SNX14: variants seen among roughly 807,000 people sequenced by gnomAD.
The protein encoded by SNX14 is sorting nexin 14.
Under a neutral mutation model 133.8 loss-of-function variants are expected in SNX14, and 93 were observed. The ratio of observed to expected loss-of-function variants is 0.70; its 90% CI spans 0.59 to 0.83. The LOEUF (loss-of-function observed/expected upper bound fraction) is 0.83, where lower values mean the gene tolerates loss of function less well. Ranked by LOEUF, SNX14 falls within the 40% of genes least tolerant of loss-of-function variation. The pLI, the probability that SNX14 is intolerant of heterozygous loss-of-function variation, is 0.00. For missense variants in SNX14, 945 were observed against 1,094.9 expected, an observed-to-expected ratio of 0.86 and a Z score of 1.93; for synonymous variants, 368 against 365.6, an observed-to-expected ratio of 1.01 and a Z score of -0.07.
At chr6:85,561,391 G>A (rs966241270) in intron 6 of SNX14, 4 of 151,686 alleles carry the variant, frequency 2.6e-5, no homozygotes, top group Non-Finnish European at 5.9e-5. Context: ...CAGAAGAACT[G>A]TTCAATTAAC....
chr6:85,564,581 T>G (rs1016528000), intron 6 of SNX14, among the ~76,000 whole-genome samples: 3 of 152,180 alleles, frequency 2.0e-5, no homozygotes, highest in Non-Finnish European at 4.4e-5. Context: ...CCAAGATAAC[T>G]AAGCATTAAA....
chr6:85,537,171 C>T (rs1782231528), intron 16 of SNX14: 1 of 336,600 alleles, frequency 3.0e-6, no homozygotes, highest in East Asian at 4.9e-5. Context: ...TATAAACACT[C>T]AAAATTTACC....
intron 1 of SNX14, among the ~76,000 whole-genome samples, chr6:85,591,868 C>G (rs1802854294): frequency 6.6e-6 from 1 of 152,100 alleles, no homozygotes; most frequent in Admixed American, 6.5e-5. Flanking sequence ...AAAAAAGTAG[C>G]CGGGCATGGT....
intron 6 of SNX14, among the ~76,000 whole-genome samples, chr6:85,559,693 C>T (rs1017806387): frequency 3.9e-5 from 6 of 151,960 alleles, no homozygotes; most frequent in South Asian, 2.1e-4. Flanking sequence ...AGGATAGTGA[C>T]GCAGATAAGA....
At chr6:85,566,025 G>C (rs1254658151) in intron 5 of SNX14, among the ~76,000 whole-genome samples, 1 of 152,184 alleles carries the variant, frequency 6.6e-6, no homozygotes, top group Non-Finnish European at 1.5e-5. Context: ...CTCAAAGACG[G>C]TGTTGTTAAC....
At chr6:85,535,027 AC>A (rs1363220475) in intron 17 of SNX14, among the ~76,000 whole-genome samples, 7 of 109,174 alleles carry the variant, frequency 6.4e-5, no homozygotes, top group Non-Finnish European at 1.1e-4. Context: ...TTCTATCCAT[AC>A]TTTTTTTTTT....
Position 85,542,013 on chromosome 6 carries a change from A to T in SNX14, c.1420T>A (p.Ser474Thr), listed in dbSNP as rs767271296. 4 of 1,593,680 alleles carry T rather than the reference A, an allele frequency of 2.5e-6. No homozygotes were observed. The South Asian group carries it at 4.6e-5, about 18-fold the overall frequency. The change falls in exon 15 of 29, where the codon TCA becomes ACA. Residue 474 changes from serine to threonine, a missense_variant. Transcript: ENST00000314673. ...YFRQLLRGAESPTRNSKLNRG... is the reference protein window; with the variant it reads ...YFRQLLRGAETPTRNSKLNRG... ...TTCAATTTTGAATTGCGTGTTGGTG[A>T]TTCTGCACCTCTTAAAAGTTGTCTG...
At chr6:85,548,725 T>C (rs1786672882) in intron 8 of SNX14, among the ~76,000 whole-genome samples, 1 of 152,034 alleles carries the variant, frequency 6.6e-6, no homozygotes, top group Non-Finnish European at 1.5e-5. Flanking sequence ...TCTCAGAACT[T>C]TGGGTGGCCG....
At chr6:85,550,392 AAAC>A in intron 7 of SNX14, among the ~76,000 whole-genome samples, 1 of 152,228 alleles carries the variant, frequency 6.6e-6, no homozygotes, top group Non-Finnish European at 1.5e-5. Flanking sequence ...AAATTAGAGA[AAAC>A]AACTTTTACA....
intron 7 of SNX14, among the ~76,000 whole-genome samples, chr6:85,556,373 G>A (rs759199051): frequency 1.3e-5 from 2 of 151,746 alleles, no homozygotes; most frequent in Non-Finnish European, 2.9e-5. Context: ...AAACCAGCCT[G>A]AGCAACACAG....
chr6:85,520,242 C>T (rs1776431112), intron 21 of SNX14, among the ~76,000 whole-genome samples: 1 of 151,592 alleles, frequency 6.6e-6, no homozygotes, highest in Non-Finnish European at 1.5e-5. Flanking sequence ...AAGGATTCAC[C>T]ATGTTGGCCA....
chr6:85,507,670 T>C (rs1387609552), intron 27 of SNX14, among the ~76,000 whole-genome samples: 1 of 152,176 alleles, frequency 6.6e-6, no homozygotes, highest in Non-Finnish European at 1.5e-5. Context: ...TTATTCTATG[T>C]GACTTGAATA....
At position 85,514,199 on chromosome 6, in the gene SNX14, G is replaced by A; in HGVS notation, c.2428C>T (p.His810Tyr). The change falls in exon 25 of 29, where the codon CAT becomes TAT. Residue 810 changes from histidine (H) to tyrosine (Y), a missense_variant. By Grantham distance (83) the His-to-Tyr change is moderately conservative. Around this residue, in one of 3 missense-constraint regions of SNX14, gnomAD observed 412 missense variants for 516.6 expected, o/e 0.80. Transcript: ENST00000314673. ...VVFQVPDWLH[H>Y]LLMGTRILFK... ...AGGATTCGAGTTCCCATTAAGAGATGATGAAGCCAGTCAGGAACCTGGAAA... is the reference window on the plus strand; with the variant it reads ...AGGATTCGAGTTCCCATTAAGAGATAATGAAGCCAGTCAGGAACCTGGAAA... 6.2e-7 allele frequency: 1 copy of A among 1,613,636 alleles called. No homozygotes were observed. The highest frequency in any genetic ancestry group is 8.5e-7 in the Non-Finnish European group (1 of 1,179,822).
intron 26 of SNX14, among the ~76,000 whole-genome samples, chr6:85,511,759 T>A (rs1044650159): frequency 1.3e-5 from 2 of 152,222 alleles, no homozygotes; most frequent in Non-Finnish European, 2.9e-5. Context: ...TCCCACTTGG[T>A]GTATAATTCT....
At chr6:85,521,378 A>G (rs1480443884) in intron 21 of SNX14, among the ~76,000 whole-genome samples, 4 of 151,990 alleles carry the variant, frequency 2.6e-5, no homozygotes, top group East Asian at 1.9e-4. Context: ...AGGATTACAC[A>G]TGCACACCAC....
rs1419374759 is a variant in SNX14 at position 85,514,056 on chromosome 6, T to C, written c.2557+14A>G. On this transcript the variant is annotated intron_variant, in intron 25 of 28. Transcript: ENST00000314673. ...TACACAAAATATGAAACAAACACAT[T>C]AGAAAATACAAACCTCTGAGAAGTG... 1 of 1,595,046 alleles carries C rather than the reference T, an allele frequency of 6.3e-7. No individual in the cohort carries two copies. Among genetic ancestry groups the C allele is most frequent in the Non-Finnish European group, 8.5e-7 (1 of 1,173,888 alleles).
intron 19 of SNX14, among the ~76,000 whole-genome samples, chr6:85,529,578 T>A (rs1382567128): frequency 6.6e-6 from 1 of 152,170 alleles, no homozygotes; most frequent in Non-Finnish European, 1.5e-5. Context: ...GAGAGAAAGA[T>A]AAAACCATTT....
chr6:85,590,182 A>G (rs1476523770), intron 1 of SNX14, among the ~76,000 whole-genome samples: 2 of 152,240 alleles, frequency 1.3e-5, no homozygotes, highest in African/African-American at 4.8e-5. Flanking sequence ...CAACCACAAG[A>G]CTAGCAGCTG....
In SNX14 at chr6:85,536,858, G is replaced by A; in HGVS notation, c.1542C>T (p.Phe514=). The change falls in exon 17 of 29, where the codon TTC becomes TTT. Residue 514 remains phenylalanine (F), a synonymous_variant. Coordinates refer to ENST00000314673, the MANE Select transcript of SNX14 (RefSeq NM_153816.6). The part of the protein sequence containing the change: ...SRIGSKIKGV[F]KSTTMEGAML... ...TAGCTCCCTCCATTGTGGTACTTTTGAATACTCCTTTAATTTTGCTACCTA... is the reference window on the plus strand; with the variant it reads ...TAGCTCCCTCCATTGTGGTACTTTTAAATACTCCTTTAATTTTGCTACCTA... 1.9e-6 allele frequency: 3 copies of A among 1,613,242 alleles called. No individual in the cohort carries two copies. Among genetic ancestry groups the A allele is most frequent in the Non-Finnish European group, 2.5e-6 (3 of 1,179,638 alleles).
Sources: gnomAD v4.1 joint callset for allele counts (sites outside exome capture counted in the v4.1 genomes callset) on GRCh38, gnomAD v4.1.1 for gene constraint, gnomAD v4.1.1 regional missense constraint, MANE v1.5 for transcripts, NCBI Gene and HGNC (gene_info 2026-07-23, HGNC 2026-07-21) for gene names.